The following TPM1 variants were observed in gnomAD, a reference collection of about 807,000 sequenced individuals.
TPM1 encodes tropomyosin alpha-1 chain.
In TPM1, 24 loss-of-function variants were observed where a neutral mutation model predicts 42.9. That is an observed-to-expected ratio of 0.56 (90% CI 0.41 to 0.79). The LOEUF (loss-of-function observed/expected upper bound fraction) is 0.79. TPM1 is among the 30% of genes least tolerant of loss of function. The pLI, the probability that TPM1 is intolerant of heterozygous loss-of-function variation, is 0.00. For missense variants in TPM1, 158 were observed against 351.8 expected (o/e 0.45, Z 4.41); for synonymous variants, 136 against 130.1 (o/e 1.05, Z -0.31).
chr15:63,067,056 A>C (rs1258395159), downstream of TPM1, among the ~76,000 whole-genome samples: 1 of 152,180 alleles, frequency 6.6e-6, no homozygotes. Flanking sequence ...TAGTGTTATA[A>C]TTCCCAACAT....
chr15:63,071,411 C>A (rs1341006533), exon 9 of TPM1: 3 of 468,934 alleles, frequency 6.4e-6, no homozygotes, highest in Non-Finnish European at 1.2e-5. Context: ...GAGAGTTTAG[C>A]AACACAGTGT....
At chr15:63,053,828 T>C (rs1294878857) in intron 2 of TPM1, among the ~76,000 whole-genome samples, 1 of 151,930 alleles carries the variant, frequency 6.6e-6, no homozygotes, top group Non-Finnish European at 1.5e-5. Context: ...ATTACAGGCA[T>C]GTGCCACCAT....
intron 2 of TPM1, chr15:63,049,517 G>A (rs766002257): frequency 4.6e-5 from 7 of 152,162 alleles, no homozygotes; most frequent in Admixed American, 1.3e-4. Context: ...GGATTTCAGA[G>A]GTAGTCTAGT....
At chr15:63,064,669 A>C in intron 9 of TPM1, 1 of 997,622 alleles carries the variant, frequency 1.0e-6, no homozygotes, top group Non-Finnish European at 1.2e-6. Context: ...TTTTACTTTT[A>C]AGAATTCTAG....
intron 2 of TPM1, chr15:63,046,287 A>C (rs901666076): frequency 1.3e-5 from 2 of 152,198 alleles, no homozygotes; most frequent in Non-Finnish European, 2.9e-5. Context: ...GCAGTGCATG[A>C]CCATATTGAG....
intron 2 of TPM1, chr15:63,048,565 C>G (rs1174117400): frequency 6.6e-7 from 1 of 1,523,070 alleles, no homozygotes; most frequent in Non-Finnish European, 8.8e-7. Flanking sequence ...GCCCGCCTAC[C>G]GTCCGGCGCG....
chr15:63,071,256 T>C, exon 9 of TPM1: 5 of 1,443,416 alleles, frequency 3.5e-6, no homozygotes, highest in Non-Finnish European at 4.8e-6. Flanking sequence ...TGCAATTTAT[T>C]TACTTTTACC....
intron 2 of TPM1, among the ~76,000 whole-genome samples, chr15:63,052,350 C>T (rs2034053075): frequency 6.6e-6 from 1 of 152,056 alleles, no homozygotes; most frequent in Non-Finnish European, 1.5e-5. Flanking sequence ...TGGCAAAATC[C>T]CATCTCTACT....
Position 63,062,645 on chromosome 15 carries a change from G to A in TPM1, c.772G>A (p.Asp258Asn). 6.2e-7 allele frequency: 1 copy of A among 1,614,230 alleles called. No individual in the cohort carries two copies. The highest frequency in any genetic ancestry group is 8.5e-7 in the Non-Finnish European group (1 of 1,180,036). The change falls in exon 8 of 10, where the codon GAC becomes AAC. Residue 258 changes from aspartate to asparagine, a missense_variant and splice_region_variant. Physicochemically the swap from Asp to Asn is conservative, Grantham distance 23 (BLOSUM62 1). Transcript: ENST00000403994. Reference sequence around the variant, plus strand: ...GGAGAAAAGCATTGATGACTTAGAAGGTAAGATCTTAAGTAGTGTTTTTAG... The same window carrying A: ...GGAGAAAAGCATTGATGACTTAGAAAGTAAGATCTTAAGTAGTGTTTTTAG... ...KLEKSIDDLE[D>N]ELYAQKLKYK... is the part of the protein sequence containing the mutation.
chr15:63,069,125 G>C (rs145718564), downstream of TPM1, among the ~76,000 whole-genome samples: 1 of 152,124 alleles, frequency 6.6e-6, no homozygotes, highest in African/African-American at 2.4e-5. Flanking sequence ...TGCACTCCAC[G>C]CTGGGGGACA....
intron 2 of TPM1, chr15:63,056,291 G>T (rs943973110): frequency 6.6e-6 from 1 of 152,602 alleles, no homozygotes; most frequent in Non-Finnish European, 1.5e-5. Flanking sequence ...TCTTGTCTCA[G>T]TTCACACTTC....
intron 5 of TPM1, 27 bp from the exon 6 acceptor site, chr15:63,061,686 C>CT (rs751551803): frequency 6.2e-7 from 1 of 1,610,686 alleles, no homozygotes; most frequent in African/African-American, 1.3e-5. Flanking sequence ...GTCTCCCACC[C>CT]TTTCTGCCTC....
chr15:63,064,892 G>A (rs551956089), intron 9 of TPM1: 12 of 682,514 alleles, frequency 1.8e-5, no homozygotes, highest in Admixed American at 6.3e-5. Flanking sequence ...GCATGAACCC[G>A]GGAGGTGGAG....
Position 63,042,956 on chromosome 15 carries a change from C to G in TPM1, c.114+13C>G. ...CAGGAGCAAGCAGGTCTGCGCCTCC[C>G]CGGCCCTGCGCCCGCGCCCAGAGCG... is the stretch of plus-strand genomic sequence containing the variant. On this transcript the variant is annotated intron_variant, in intron 1 of 9. Coordinates refer to ENST00000403994, the MANE Select transcript of TPM1 (RefSeq NM_001018005.2). The G allele has an allele frequency of 6.3e-7, 1 of 1,580,836 alleles. No individual in the cohort carries two copies. Among genetic ancestry groups the G allele is most frequent in the South Asian group, 1.1e-5 (1 of 87,254 alleles).
chr15:63,071,187 G>GCGA, exon 9 of TPM1: 1 of 1,552,866 alleles, frequency 6.4e-7, no homozygotes, highest in Non-Finnish European at 8.8e-7. Context: ...CTCCTTAGCT[G>GCGA]CGACCACATT....
chr15:63,043,901 T>A lies in TPM1; in HGVS notation c.115-126T>A. The A allele has an allele frequency of 6.4e-7, 1 of 1,552,276 alleles. No individual in the cohort carries two copies. Among genetic ancestry groups the A allele is most frequent in the Non-Finnish European group, 8.7e-7 (1 of 1,147,656 alleles). On this transcript the variant is annotated intron_variant, in intron 1 of 9. Transcript: ENST00000403994. ...CTTTCTCTTTCTCTCTCTCCCTCCCTGTCTTTCCCTCTGTCTCTCCCGCTG... is the reference window on the plus strand; with the variant it reads ...CTTTCTCTTTCTCTCTCTCCCTCCCAGTCTTTCCCTCTGTCTCTCCCGCTG...
rs769605281 is a variant in TPM1, at chr15:63,059,575, C to T, written c.387C>T (p.Val129=). The T allele has an allele frequency of 6.2e-7, 1 of 1,609,900 alleles. No homozygotes were observed. The highest frequency in any genetic ancestry group is 1.1e-5 in the South Asian group (1 of 90,828). ...AADESERGMK[V]IESRAQKDEE... Reference sequence around the variant, plus strand: ...TCTTTCTTTTCAGAGGCATGAAAGTCATTGAGAGTCGAGCCCAAAAAGATG... The same window carrying T: ...TCTTTCTTTTCAGAGGCATGAAAGTTATTGAGAGTCGAGCCCAAAAAGATG... Residue 129 remains valine, a synonymous_variant, in exon 4 of 10, where the codon GTC becomes GTT. Coordinates refer to ENST00000403994, the MANE Select transcript of TPM1 (RefSeq NM_001018005.2).
intron 2 of TPM1, among the ~76,000 whole-genome samples, chr15:63,055,072 T>C (rs1484483645): frequency 1.3e-5 from 2 of 151,036 alleles, no homozygotes; most frequent in African/African-American, 4.9e-5. Context: ...TTCCCTATAA[T>C]TGAGAGATTT....
chr15:63,049,542 G>C (rs2033385109), intron 2 of TPM1, among the ~76,000 whole-genome samples: 1 of 152,024 alleles, frequency 6.6e-6, no homozygotes, highest in South Asian at 2.1e-4. Flanking sequence ...GATATTTGTC[G>C]ATTTTGTGTG....
Sources: gnomAD v4.1 joint callset for allele counts (sites outside exome capture counted in the v4.1 genomes callset) on GRCh38, gnomAD v4.1.1 for gene constraint, MANE v1.5 for transcripts, NCBI Gene and HGNC (gene_info 2026-07-23, HGNC 2026-07-21) for gene names.